The following SLIRP variants were observed in gnomAD, a reference collection of about 807,000 sequenced individuals.
SLIRP encodes the protein SRA stem-loop interacting RNA binding protein, also known as SRA stem-loop-interacting RNA-binding protein, mitochondrial.
A neutral mutation model predicts 13.4 loss-of-function variants in SLIRP; 12 were observed. The observed-to-expected ratio is 0.89, with a 90% confidence interval of 0.57 to 1.45. The LOEUF (loss-of-function observed/expected upper bound fraction) is 1.45, where lower values mean the gene tolerates loss of function less well. Among genes scored for constraint, SLIRP ranks in the 40% most tolerant of loss-of-function variants. The probability of loss-of-function intolerance (pLI) is 0.00; values close to 1 mark genes in which losing one functional copy is unlikely to be tolerated. For synonymous variants in SLIRP, 55 were observed against 47.1 expected (o/e 1.17, Z -0.69); for missense variants, 154 against 132.2 (o/e 1.17, Z -0.81).
Position 77,708,145 on chromosome 14 carries a change from C to T in SLIRP, c.34C>T (p.Leu12=). The part of the protein sequence containing the change: ...AASAARGAAA[L]RRSINQPVAF... ...CTCAGCAGCGAGAGGTGCTGCGGCG[C>T]TGCGTAGAAGTATCAATCAGCCGGT... The change falls in exon 1 of 4, where the codon CTG becomes TTG. Residue 12 remains leucine, a synonymous_variant. Coordinates refer to ENST00000557342, the MANE Select transcript of SLIRP (RefSeq NM_031210.6). 7 of 1,614,158 alleles carry T rather than the reference C, an allele frequency of 4.3e-6. 1 individual carries two copies. The South Asian group carries it at 6.6e-5, about 15-fold the overall frequency.
In SLIRP at chr14:77,708,155, G is replaced by A; in HGVS notation, c.44G>A (p.Ser15Asn). ...AGAGGTGCTGCGGCGCTGCGTAGAA[G>A]TATCAATCAGCCGGTTGCTTTTGTG... is the stretch of plus-strand genomic sequence containing the variant. ...AARGAAALRRSINQPVAFVRR... is the reference protein window; with the variant it reads ...AARGAAALRRNINQPVAFVRR... Residue 15 changes from serine (S) to asparagine (N), a missense_variant, in exon 1 of 4, where the codon AGT becomes AAT. Coordinates refer to ENST00000557342, the MANE Select transcript of SLIRP (RefSeq NM_031210.6). The A allele has an allele frequency of 1.1e-5, 18 of 1,614,190 alleles. No individual in the cohort carries two copies. Among genetic ancestry groups the A allele is most frequent in the Non-Finnish European group, 1.5e-5 (18 of 1,180,026 alleles).
At position 77,708,218 on chromosome 14, in the gene SLIRP, G is replaced by C; in HGVS notation, c.97+10G>C. The C allele has an allele frequency of 6.2e-7, 1 of 1,613,274 alleles. No homozygotes were observed. On this transcript the variant is annotated intron_variant, in intron 1 of 3. Transcript: ENST00000557342. ...TGGACTGCGGCGTCGAGTGAGTGAT[G>C]GAGATGTGGGAGTAGTGGAATTTTT...
Position 77,717,508 on chromosome 14 carries a change from A to G in SLIRP, c.277A>G (p.Thr93Ala). The G allele has an allele frequency of 1.9e-6, 3 of 1,614,128 alleles. No homozygotes were observed. Among genetic ancestry groups the G allele is most frequent in the Non-Finnish European group, 2.5e-6 (3 of 1,180,004 alleles). ...TTATTTTTTTAAGGTCCAGGTTCAC[A>G]CTAGAAGGCCAAAACTTCCGCAAAC... ...IIDGVKVQVH[T>A]RRPKLPQTSD... The change falls in exon 4 of 4, where the codon ACT becomes GCT. Residue 93 changes from threonine (T) to alanine (A), a missense_variant. Thr to Ala is a moderately conservative substitution (Grantham distance 58, BLOSUM62 0). Transcript: ENST00000557342.
intron 2 of SLIRP, among the ~76,000 whole-genome samples, chr14:77,713,599 G>A (rs1251073659): frequency 6.6e-6 from 1 of 152,126 alleles, no homozygotes. Context: ...TTGATCTAGC[G>A]GTTACTTTTC....
chr14:77,715,531 G>C (rs2080469446), intron 2 of SLIRP, among the ~76,000 whole-genome samples: 1 of 152,126 alleles, frequency 6.6e-6, no homozygotes, highest in South Asian at 2.1e-4. Context: ...TGTGATCCCA[G>C]CTACTGAAGA....
At chr14:77,712,698 G>A (rs904822851) in intron 2 of SLIRP, among the ~76,000 whole-genome samples, 1 of 152,066 alleles carries the variant, frequency 6.6e-6, no homozygotes, top group Admixed American at 6.6e-5. Context: ...CGCCCGCCTG[G>A]GCTTCCCAAA....
At chr14:77,710,988 G>T (rs1566821404) in intron 2 of SLIRP, 92 bp downstream of exon 2, 2 of 1,008,222 alleles carry the variant, frequency 2.0e-6, no homozygotes, top group Admixed American at 1.9e-5. Context: ...AGTACAACAG[G>T]GTGACTATGG....
chr14:77,710,693 A>G lies in SLIRP; in HGVS notation c.98-145A>G, dbSNP rs568201119. 1.3e-5 allele frequency: 21 copies of G among 1,563,680 alleles called. No homozygotes were observed. In the African/African-American group the frequency reaches 1.6e-4, roughly 12 times the overall value. On this transcript the variant is annotated intron_variant, in intron 1 of 3. Coordinates refer to ENST00000557342, the MANE Select transcript of SLIRP (RefSeq NM_031210.6). ...ACATTATGGCTTTATAGTCAGTACC[A>G]TAGCTGCTTCCTAAATCTTAAGCCT...
In SLIRP at chr14:77,715,784, G is replaced by A; in HGVS notation, c.169G>A (p.Gly57Ser). 1 of 1,613,216 alleles carries A rather than the reference G, an allele frequency of 6.2e-7. No homozygotes were observed. The highest frequency in any genetic ancestry group is 1.1e-5 in the South Asian group (1 of 90,762). The change falls in exon 3 of 4, where the codon GGC becomes AGC. Residue 57 changes from glycine (G) to serine (S), a missense_variant. Coordinates refer to ENST00000557342, the MANE Select transcript of SLIRP (RefSeq NM_031210.6). ...RCILPFDKETGFHRGLGWVQF... is the reference protein window; with the variant it reads ...RCILPFDKETSFHRGLGWVQF... ...TTTGAATTTTTAGGACAAGGAGACT[G>A]GCTTTCACAGAGGTTTGGGTTGGGT...
chr14:77,708,149 G>T lies in SLIRP; in HGVS notation c.38G>T (p.Arg13Leu), dbSNP rs2080410315. Residue 13 changes from arginine to leucine, a missense_variant, in exon 1 of 4, where the codon CGT becomes CTT. Physicochemically the swap from Arg to Leu is moderately radical, Grantham distance 102. Transcript: ENST00000557342. Reference sequence around the variant, plus strand: ...GCAGCGAGAGGTGCTGCGGCGCTGCGTAGAAGTATCAATCAGCCGGTTGCT... The same window carrying T: ...GCAGCGAGAGGTGCTGCGGCGCTGCTTAGAAGTATCAATCAGCCGGTTGCT... ...ASAARGAAAL[R>L]RSINQPVAFV... 6.2e-7 allele frequency: 1 copy of T among 1,614,074 alleles called. No individual in the cohort carries two copies. Among genetic ancestry groups the T allele is most frequent in the Non-Finnish European group, 8.5e-7 (1 of 1,180,044 alleles).
Position 77,710,879 on chromosome 14 carries a change from AG to A in SLIRP, c.141del (p.Arg47SerfsTer38), listed in dbSNP as rs748994098. The A allele has an allele frequency of 6.2e-7, 1 of 1,614,164 alleles. No individual in the cohort carries two copies. The highest frequency in any genetic ancestry group is 1.1e-5 in the South Asian group (1 of 91,084). Reference protein sequence around the residue: ...EHFAQFGHVRRCILPFDKETG... With the variant: ...EHFAQFGHVRXCILPFDKETG... ...CTTTGCACAGTTCGGCCATGTCAGA[AG>A]GTGCATTTTACCTTTTGTAAGTATT... On this transcript the variant is annotated frameshift_variant, in exon 2 of 4. Coordinates refer to ENST00000557342, the MANE Select transcript of SLIRP (RefSeq NM_031210.6). LOFTEE classifies it high-confidence loss of function.
At position 77,710,843 on chromosome 14, in the gene SLIRP, C is replaced by G. The variant is rs753291002; in HGVS notation, c.103C>G (p.Leu35Val). The change falls in exon 2 of 4, where the codon CTG becomes GTG. Residue 35 changes from leucine (L) to valine (V), a missense_variant. Leu to Val is a conservative substitution (Grantham distance 32). Transcript: ENST00000557342. ...RIPWTAASSQ[L>V]KEHFAQFGHV... ...TGTTTTCTTCTGCCACACAGGTCAG[C>G]TGAAAGAACACTTTGCACAGTTCGG... 6.2e-7 allele frequency: 1 copy of G among 1,614,040 alleles called. No homozygotes were observed. The highest frequency in any genetic ancestry group is 1.7e-5 in the Admixed American group (1 of 60,002).
chr14:77,708,191 C>T lies in SLIRP; in HGVS notation c.80C>T (p.Pro27Leu), dbSNP rs2080411081. 5 of 1,614,176 alleles carry T rather than the reference C, an allele frequency of 3.1e-6. No individual in the cohort carries two copies. Among genetic ancestry groups the T allele is most frequent in the Non-Finnish European group, 4.2e-6 (5 of 1,180,018 alleles). ...CCGGTTGCTTTTGTGAGAAGAATTCCTTGGACTGCGGCGTCGAGTGAGTGA... is the reference window on the plus strand; with the variant it reads ...CCGGTTGCTTTTGTGAGAAGAATTCTTTGGACTGCGGCGTCGAGTGAGTGA... ...NQPVAFVRRIPWTAASSQLKE... is the reference protein window; with the variant it reads ...NQPVAFVRRILWTAASSQLKE... The change falls in exon 1 of 4, where the codon CCT becomes CTT. Residue 27 changes from proline to leucine, a missense_variant. Coordinates refer to ENST00000557342, the MANE Select transcript of SLIRP (RefSeq NM_031210.6).
Position 77,715,886 on chromosome 14 carries a change from T to C in SLIRP, c.264+7T>C. 1 of 1,593,244 alleles carries C rather than the reference T, an allele frequency of 6.3e-7. No individual in the cohort carries two copies. The highest frequency in any genetic ancestry group is 1.7e-5 in the Admixed American group (1 of 59,884). ...TATTATAGATGGAGTAAAGGTAAAT[T>C]TATTTCTATGCCAGATACATACATG... On this transcript the variant is annotated splice_region_variant and intron_variant, in intron 3 of 3. Transcript: ENST00000557342.
chr14:77,716,874 G>T (rs1347654769), intron 3 of SLIRP, among the ~76,000 whole-genome samples: 1 of 151,976 alleles, frequency 6.6e-6, no homozygotes, highest in African/African-American at 2.4e-5. Flanking sequence ...CGATTCTCCT[G>T]CCTCAACCTC....
intron 1 of SLIRP, among the ~76,000 whole-genome samples, chr14:77,708,502 A>G (rs568347763): frequency 2.6e-5 from 4 of 152,298 alleles, no homozygotes; most frequent in African/African-American, 7.2e-5. Flanking sequence ...TGTAGTGTGG[A>G]GGATGGATTC....
chr14:77,713,308 T>C (rs2080454510), intron 2 of SLIRP, among the ~76,000 whole-genome samples: 1 of 152,244 alleles, frequency 6.6e-6, no homozygotes, highest in Admixed American at 6.5e-5. Context: ...GTGGGCTTTT[T>C]TAGGGTGTGA....
chr14:77,709,694 C>T (rs1428586843), intron 1 of SLIRP, among the ~76,000 whole-genome samples: 1 of 152,170 alleles, frequency 6.6e-6, no homozygotes, highest in East Asian at 1.9e-4. Context: ...AAGAGGGTTA[C>T]CTTCCAGAGC....
At chr14:77,714,997 CTG>C (rs1368193511) in intron 2 of SLIRP, among the ~76,000 whole-genome samples, 2 of 152,172 alleles carry the variant, frequency 1.3e-5, no homozygotes, top group African/African-American at 4.8e-5. Flanking sequence ...AACCAGAAGT[CTG>C]TAACTAGGTT....
Sources: allele counts gnomAD v4.1 joint callset (sites outside exome capture counted in the v4.1 genomes callset), GRCh38; gene constraint gnomAD v4.1.1; transcripts MANE v1.5; gene names NCBI Gene and HGNC (gene_info 2026-07-23, HGNC 2026-07-21).